The following FBXL17 variants were observed in gnomAD, a reference collection of about 807,000 sequenced individuals.
The protein encoded by FBXL17 is F-box and leucine rich repeat protein 17.
FBXL17 carries 22 observed loss-of-function variants against 66.2 expected under a neutral mutation model. The ratio of observed to expected loss-of-function variants is 0.33; its 90% CI spans 0.24 to 0.47. The LOEUF (loss-of-function observed/expected upper bound fraction) is 0.47, where lower values mean the gene tolerates loss of function less well. Among genes scored for constraint, FBXL17 ranks in the 20% least tolerant of loss-of-function variants. FBXL17 has a pLI of 1.00. For synonymous variants in FBXL17, 474 were observed against 400.5 expected, an observed-to-expected ratio of 1.18 and a Z score of -2.19; for missense variants, 878 against 948.2, an observed-to-expected ratio of 0.93 and a Z score of 0.97.
chr5:108,242,964 C>T (rs1755928115), intron 4 of FBXL17, among the ~76,000 whole-genome samples: 1 of 152,136 alleles, frequency 6.6e-6, no homozygotes, highest in African/African-American at 2.4e-5. Flanking sequence ...CCTTTGTCAA[C>T]AAGGGCTTTG....
At chr5:107,864,574 T>G (rs1042726333) in intron 8 of FBXL17, among the ~76,000 whole-genome samples, 1 of 152,160 alleles carries the variant, frequency 6.6e-6, no homozygotes, top group Non-Finnish European at 1.5e-5. Flanking sequence ...GTTTGGTTCA[T>G]GGGGGTCTGC....
At chr5:108,306,120 A>G (rs1016273386) in intron 4 of FBXL17, among the ~76,000 whole-genome samples, 2 of 152,042 alleles carry the variant, frequency 1.3e-5, no homozygotes, top group African/African-American at 4.8e-5. Context: ...TATTTTTAGG[A>G]GATCTTTTTT....
At chr5:108,187,663 G>C (rs1753292949) in intron 5 of FBXL17, among the ~76,000 whole-genome samples, 1 of 152,202 alleles carries the variant, frequency 6.6e-6, no homozygotes, top group African/African-American at 2.4e-5. Context: ...GCCGGGAAGA[G>C]ATAAGGACCT....
intron 6 of FBXL17, among the ~76,000 whole-genome samples, chr5:108,171,346 T>C (rs990572291): frequency 9.2e-5 from 14 of 152,198 alleles, no homozygotes; most frequent in African/African-American, 3.4e-4. Context: ...GCTAGGATAT[T>C]GTGGGGGCTT....
intron 7 of FBXL17, among the ~76,000 whole-genome samples, chr5:107,894,636 T>G (rs1413820792): frequency 6.6e-6 from 1 of 152,154 alleles, no homozygotes; most frequent in African/African-American, 2.4e-5. Context: ...GAAAACCAGC[T>G]GGAGCTGATC....
chr5:108,152,457 G>A (rs545242257), intron 6 of FBXL17, among the ~76,000 whole-genome samples: 1 of 152,150 alleles, frequency 6.6e-6, no homozygotes, highest in East Asian at 1.9e-4. Flanking sequence ...AAAATATGAG[G>A]GGATATACTG....
At chr5:108,202,601 A>G (rs1423819799) in intron 5 of FBXL17, among the ~76,000 whole-genome samples, 4 of 152,136 alleles carry the variant, frequency 2.6e-5, no homozygotes, top group Non-Finnish European at 4.4e-5. Flanking sequence ...TATCTATACT[A>G]TATTTTTTCC....
At chr5:107,914,636 C>T (rs927075386) in intron 7 of FBXL17, among the ~76,000 whole-genome samples, 4 of 152,190 alleles carry the variant, frequency 2.6e-5, no homozygotes, top group Non-Finnish European at 4.4e-5. Flanking sequence ...CATAAGTCAA[C>T]CCCACCCAAG....
intron 6 of FBXL17, among the ~76,000 whole-genome samples, chr5:108,136,705 G>A (rs527957863): frequency 9.2e-5 from 14 of 152,252 alleles, no homozygotes; most frequent in African/African-American, 2.6e-4. Flanking sequence ...AAGCCCAACT[G>A]CAAAAACTTA....
intron 7 of FBXL17, among the ~76,000 whole-genome samples, chr5:107,978,380 G>T (rs183414588): frequency 1.8e-4 from 28 of 152,140 alleles, no homozygotes; most frequent in African/African-American, 6.3e-4. Flanking sequence ...CTAATGAAAG[G>T]CCACAAGGTT....
chr5:108,358,902 TAA>T (rs955264270), intron 3 of FBXL17, among the ~76,000 whole-genome samples: 19 of 152,182 alleles, frequency 1.2e-4, no homozygotes, highest in African/African-American at 4.6e-4. Context: ...CTTTTTTTGT[TAA>T]GAGATGGGGT....
intron 7 of FBXL17, among the ~76,000 whole-genome samples, chr5:107,991,013 G>GGGCTA (rs1284345629): frequency 6.8e-6 from 1 of 147,582 alleles, no homozygotes; most frequent in East Asian, 2.1e-4. Flanking sequence ...TATTTGAAAA[G>GGGCTA]GGCTAGTTAC....
intron 6 of FBXL17, among the ~76,000 whole-genome samples, chr5:108,061,905 A>G (rs1381369203): frequency 2.0e-5 from 3 of 151,824 alleles, no homozygotes; most frequent in South Asian, 4.2e-4. Context: ...GGGAAATACT[A>G]CTTATGCATA....
At chr5:107,919,820 G>T (rs941278256) in intron 7 of FBXL17, among the ~76,000 whole-genome samples, 20 of 152,098 alleles carry the variant, frequency 1.3e-4, no homozygotes, top group Non-Finnish European at 2.9e-4. Flanking sequence ...TTTTTCTCCA[G>T]ATCACTTACC....
At chr5:107,915,913 C>T (rs1436518101) in intron 7 of FBXL17, among the ~76,000 whole-genome samples, 1 of 152,190 alleles carries the variant, frequency 6.6e-6, no homozygotes, top group Non-Finnish European at 1.5e-5. Flanking sequence ...ATGCATGTTG[C>T]CGCATCTGTA....
intron 7 of FBXL17, among the ~76,000 whole-genome samples, chr5:107,965,311 T>C (rs1044903950): frequency 2.6e-5 from 4 of 152,160 alleles, no homozygotes; most frequent in African/African-American, 9.6e-5. Context: ...TTAACAACGC[T>C]TGTATGTTTG....
chr5:108,247,589 T>C (rs982740500), intron 4 of FBXL17, among the ~76,000 whole-genome samples: 1 of 152,194 alleles, frequency 6.6e-6, no homozygotes, highest in Non-Finnish European at 1.5e-5. Flanking sequence ...CAGATTCCTT[T>C]TAACCTCAGG....
chr5:107,979,365 C>G (rs1235607811), intron 7 of FBXL17, among the ~76,000 whole-genome samples: 1 of 152,106 alleles, frequency 6.6e-6, no homozygotes, highest in African/African-American at 2.4e-5. Flanking sequence ...CTTAAAGTTC[C>G]AGCATTTCAA....
At chr5:108,217,718 G>A (rs1175835424) in intron 5 of FBXL17, among the ~76,000 whole-genome samples, 2 of 151,984 alleles carry the variant, frequency 1.3e-5, no homozygotes, top group African/African-American at 4.8e-5. Context: ...TAGATCTCTT[G>A]AACTTACTCT....
Sources: allele counts gnomAD v4.1 joint callset (sites outside exome capture counted in the v4.1 genomes callset), GRCh38; gene constraint gnomAD v4.1.1; transcripts MANE v1.5; gene names NCBI Gene and HGNC (gene_info 2026-07-23, HGNC 2026-07-21).